Variants in VCL observed in about 807,000 individuals in gnomAD.
The protein encoded by VCL is vinculin, also known as epididymis luminal protein 114.
Under a neutral mutation model 125.7 loss-of-function variants are expected in VCL, and 47 were observed. That is an observed-to-expected ratio of 0.37 (90% CI 0.30 to 0.48). The LOEUF is 0.48. VCL is among the 20% of genes least tolerant of loss of function. VCL has a pLI of 0.99. For missense variants in VCL, 1,069 were observed against 1,455.5 expected (o/e 0.73, Z 4.32); for synonymous variants, 458 against 514.6 (o/e 0.89, Z 1.49).
intron 1 of VCL, among the ~76,000 whole-genome samples, chr10:74,014,833 G>A (rs1038730672): frequency 3.3e-5 from 5 of 151,992 alleles, no homozygotes; most frequent in African/African-American, 1.2e-4. Flanking sequence ...GACTACATGC[G>A]TGCACTACCA....
At chr10:74,048,893 G>A (rs1339243697) in intron 2 of VCL, among the ~76,000 whole-genome samples, 17 of 152,182 alleles carry the variant, frequency 1.1e-4, no homozygotes, top group Non-Finnish European at 1.5e-5. Context: ...GGCCGAGGCG[G>A]GGGGATTGTG....
At chr10:74,085,527 G>A (rs969136592) in intron 8 of VCL, among the ~76,000 whole-genome samples, 9 of 151,954 alleles carry the variant, frequency 5.9e-5, no homozygotes, top group Non-Finnish European at 8.8e-5. Flanking sequence ...TAAAGCCTTG[G>A]CCTTTAGAGC....
intron 19 of VCL, among the ~76,000 whole-genome samples, chr10:74,112,741 T>G (rs971751473): frequency 6.6e-6 from 1 of 152,042 alleles, no homozygotes; most frequent in Admixed American, 6.6e-5. Flanking sequence ...CCATAGAACT[T>G]TGGCCTTGGG....
chr10:74,027,724 G>A (rs1840801516), intron 1 of VCL: 1 of 145,252 alleles, frequency 6.9e-6, no homozygotes, highest in Admixed American at 6.7e-5. Flanking sequence ...GTTTTCCTGA[G>A]TGAATTGTAT....
chr10:74,093,352 G>GAA (rs2131913204), intron 10 of VCL, among the ~76,000 whole-genome samples: 1 of 152,298 alleles, frequency 6.6e-6, no homozygotes, highest in South Asian at 2.1e-4. Flanking sequence ...TGCTGGGTTT[G>GAA]AATCCTGACT....
At chr10:74,117,165 T>G (rs1408986868) in intron 21 of VCL, among the ~76,000 whole-genome samples, 1 of 152,176 alleles carries the variant, frequency 6.6e-6, no homozygotes, top group Admixed American at 6.5e-5. Flanking sequence ...ATTCATTAAT[T>G]AAATATTTAT....
At chr10:74,013,900 AT>A (rs1840484424) in intron 1 of VCL, among the ~76,000 whole-genome samples, 1 of 74,564 alleles carries the variant, frequency 1.3e-5, no homozygotes, top group Non-Finnish European at 3.5e-5. Context: ...GGCAGTGTTG[AT>A]TTAAAAAAAA....
chr10:74,043,046 A>C (rs1170610183), intron 1 of VCL, 37 bp from the exon 2 acceptor site: 8 of 1,566,858 alleles, frequency 5.1e-6, no homozygotes, highest in Non-Finnish European at 7.0e-6. Flanking sequence ...AAGTCTGAGA[A>C]TTTATATTTG....
In VCL at chr10:74,107,220, TTG is replaced by T; in HGVS notation, c.2435-6_2435-5del. 1 of 1,614,202 alleles carries T rather than the reference TTG, an allele frequency of 6.2e-7. No homozygotes were observed. Among genetic ancestry groups the T allele is most frequent in the Non-Finnish European group, 8.5e-7 (1 of 1,180,024 alleles). ...CCACCCAGCTGAAAGTGAGGATGTC[TTG>T]TGTTTAGGACTGCAAAAGAGCTTCC... On this transcript the variant is annotated splice_polypyrimidine_tract_variant and splice_region_variant and intron_variant, in intron 16 of 21. Transcript: ENST00000211998.
At chr10:74,062,358 C>G (rs1460329710) in intron 2 of VCL, among the ~76,000 whole-genome samples, 1 of 147,832 alleles carries the variant, frequency 6.8e-6, no homozygotes, top group East Asian at 2.0e-4. Context: ...AGCCACCATG[C>G]CTGGCCTGAT....
rs144049217 is a variant in VCL at position 74,013,592 on chromosome 10, C to T, written c.168+15217C>T. On this transcript the variant is annotated intron_variant, in intron 1 of 21. Transcript: ENST00000211998. ...ATGATAAAAATTTTGGGAAGCAGTA[C>T]AGTAGTATAATCGTTAAGCATTAAA... Among the ~76,000 whole-genome samples, 1,505 of 151,816 alleles carry T rather than the reference C, an allele frequency of 9.9e-3. 12 individuals carry two copies. The highest frequency in any genetic ancestry group is 0.018 in the Non-Finnish European group (1,212 of 67,944).
At chr10:74,094,915 C>G (rs899784769) in intron 11 of VCL, among the ~76,000 whole-genome samples, 1 of 152,092 alleles carries the variant, frequency 6.6e-6, no homozygotes, top group African/African-American at 2.4e-5. Context: ...ACCTCAGTGA[C>G]AGAGAGAGAC....
intron 6 of VCL, among the ~76,000 whole-genome samples, chr10:74,078,727 C>T (rs1054858924): frequency 1.3e-5 from 2 of 152,288 alleles, no homozygotes; most frequent in African/African-American, 4.8e-5. Flanking sequence ...TGCATGAAGT[C>T]TCAGGACTAG....
intron 6 of VCL, chr10:74,077,411 T>G (rs1224734437): frequency 6.4e-6 from 1 of 156,722 alleles, no homozygotes; most frequent in African/African-American, 2.5e-5. Context: ...ACTCTACCGC[T>G]CCTCACCCTC....
At chr10:74,038,003 T>TC (rs1198778886) in intron 1 of VCL, among the ~76,000 whole-genome samples, 301 of 143,186 alleles carry the variant, frequency 2.1e-3, no homozygotes, top group Middle Eastern at 3.5e-3. Flanking sequence ...TCTTTTCTTT[T>TC]TTTTTTTTTT....
At position 73,998,153 on chromosome 10, in the gene VCL, C is replaced by A. The variant is rs1249526329; in HGVS notation, c.-55C>A. ...GTCTGTCTCTTCGCCGGTTCCCGGCCCCGTGGATCCTACTTCTCTGTCGCC... is the reference window on the plus strand; with the variant it reads ...GTCTGTCTCTTCGCCGGTTCCCGGCACCGTGGATCCTACTTCTCTGTCGCC... On this transcript the variant is annotated 5_prime_UTR_variant, in exon 1 of 22. Coordinates refer to ENST00000211998, the MANE Select transcript of VCL (RefSeq NM_014000.3). The A allele has an allele frequency of 2.6e-5, 42 of 1,590,792 alleles. No homozygotes were observed. Among genetic ancestry groups the A allele is most frequent in the Non-Finnish European group, 3.3e-5 (39 of 1,168,924 alleles).
At chr10:74,022,257 A>G (rs1248067477) in intron 1 of VCL, among the ~76,000 whole-genome samples, 1 of 152,138 alleles carries the variant, frequency 6.6e-6, no homozygotes, top group Non-Finnish European at 1.5e-5. Flanking sequence ...TCAAAATTAA[A>G]ACTTCAGGCC....
intron 2 of VCL, among the ~76,000 whole-genome samples, chr10:74,048,080 C>G (rs891025656): frequency 6.6e-6 from 1 of 152,186 alleles, no homozygotes; most frequent in African/African-American, 2.4e-5. Context: ...TGATTGCCAT[C>G]GAAACTGCCC....
chr10:74,104,907 T>G, intron 15 of VCL, 144 bp from the exon 16 acceptor site: 2 of 940,726 alleles, frequency 2.1e-6, no homozygotes. Context: ...ACCTGGAAGC[T>G]TTTGATTATG....
Sources: allele counts gnomAD v4.1 joint callset (sites outside exome capture counted in the v4.1 genomes callset), GRCh38; gene constraint gnomAD v4.1.1; transcripts MANE v1.5; gene names NCBI Gene and HGNC (gene_info 2026-07-23, HGNC 2026-07-21).